ANKS4B: variants seen among roughly 807,000 people sequenced by gnomAD.
The protein encoded by ANKS4B is ankyrin repeat and SAM domain-containing protein 4B.
In ANKS4B, 21 loss-of-function variants were observed where a neutral mutation model predicts 20.2. The observed-to-expected ratio is 1.04, with a 90% confidence interval of 0.74 to 1.50. The LOEUF is 1.50. ANKS4B is among the 40% of genes most tolerant of loss of function. ANKS4B has a pLI of 0.00. For synonymous variants in ANKS4B, 179 were observed against 194.5 expected (o/e 0.92, Z 0.66); for missense variants, 473 against 494.6 (o/e 0.96, Z 0.41).
rs1202803308 is a variant in ANKS4B, at chr16:21,253,575, GAT to G, written c.*2758_*2759del. On this transcript the variant is annotated 3_prime_UTR_variant, in exon 2 of 2. Coordinates refer to ENST00000311620, the MANE Select transcript of ANKS4B (RefSeq NM_145865.3). ...CTATTGCCCGGAATCTGCCTAATGA[GAT>G]ATTTGCTCCACCCCCTGCTGTAACT... 1 of 152,142 alleles carries G rather than the reference GAT, an allele frequency of 6.6e-6. No homozygotes were observed. The highest frequency in any genetic ancestry group is 2.4e-5 in the African/African-American group (1 of 41,422). The allele number at this position is 152,142 out of a possible 1,614,324, so 9.4% of individuals were successfully genotyped here.
At position 21,233,762 on chromosome 16, in the gene ANKS4B, G is replaced by T. The variant is rs774144258; in HGVS notation, c.25G>T (p.Ala9Ser). MSTRYHQA[A>S]SDSYLELLKE... ...AATGTCTACTCGTTACCACCAAGCT[G>T]CTAGTGATAGTTACCTGGAACTTCT... The change falls in exon 1 of 2, where the codon GCT (alanine) becomes TCT (serine). Residue 9 changes from alanine to serine, a missense_variant. By Grantham distance (99) the Ala-to-Ser change is moderately conservative. Transcript: ENST00000311620. 2.5e-6 allele frequency: 4 copies of T among 1,613,852 alleles called. No homozygotes were observed. The African/African-American group carries it at 4.0e-5, about 16-fold the overall frequency.
chr16:21,237,889 T>G (rs1433889100), intron 1 of ANKS4B, among the ~76,000 whole-genome samples: 1 of 151,986 alleles, frequency 6.6e-6, no homozygotes, highest in Non-Finnish European at 1.5e-5. Flanking sequence ...AGGCTGGGCG[T>G]GGTGGCTCAC....
At chr16:21,235,867 G>A (rs777096914) in intron 1 of ANKS4B, among the ~76,000 whole-genome samples, 2 of 152,054 alleles carry the variant, frequency 1.3e-5, no homozygotes, top group Admixed American at 6.6e-5. Context: ...CAGACACATC[G>A]ATCCCCATCA....
Position 21,250,873 on chromosome 16 carries a change from C to G in ANKS4B, c.*53C>G. 1.3e-6 allele frequency: 2 copies of G among 1,529,458 alleles called. No homozygotes were observed. Among genetic ancestry groups the G allele is most frequent in the South Asian group, 2.6e-5 (2 of 78,178 alleles). 94.7% of individuals were successfully genotyped at this position (1,529,458 alleles called of 1,614,324 possible). On this transcript the variant is annotated 3_prime_UTR_variant, in exon 2 of 2. Coordinates refer to ENST00000311620, the MANE Select transcript of ANKS4B (RefSeq NM_145865.3). ...GTGATGCTGTGGCCCGCTGGCAGCA[C>G]TCCAGGCGGCACCCCCTCTTTACCC... is the stretch of plus-strand genomic sequence containing the variant.
chr16:21,250,437 A>G lies in ANKS4B; in HGVS notation c.871A>G (p.Lys291Glu), dbSNP rs769678627. The G allele has an allele frequency of 2.7e-5, 43 of 1,614,066 alleles. No individual in the cohort carries two copies. The highest frequency in any genetic ancestry group is 1.6e-4 in the Middle Eastern group (1 of 6,084). The change falls in exon 2 of 2, where the codon AAG becomes GAG. Residue 291 changes from lysine (K) to glutamate (E), a missense_variant. Lys to Glu is a moderately conservative substitution (Grantham distance 56). Transcript: ENST00000311620. Reference sequence around the variant, plus strand: ...GAGTCCTGAAGACATCTCAGATAGCAAGAGAGAGTTTGGTTTTAAACTGCC... The same window carrying G: ...GAGTCCTGAAGACATCTCAGATAGCGAGAGAGAGTTTGGTTTTAAACTGCC... ...ISSPEDISDS[K>E]REFGFKLPSE...
rs375745362 is a variant in ANKS4B at position 21,250,654 on chromosome 16, T to C, written c.1088T>C (p.Ile363Thr). 6 of 1,613,766 alleles carry C rather than the reference T, an allele frequency of 3.7e-6. No individual in the cohort carries two copies. The highest frequency in any genetic ancestry group is 1.3e-5 in the African/African-American group (1 of 74,932). The change falls in exon 2 of 2, where the codon ATC becomes ACC. Residue 363 changes from isoleucine (I) to threonine (T), a missense_variant. By Grantham distance (89) the Ile-to-Thr change is moderately conservative (BLOSUM62 -1). Transcript: ENST00000311620. ...CAGCACCTGGAAGAATTCCTGCCTA[T>C]CTTCAAGAGAGAGCAGATTGATCTA... ...LSQHLEEFLP[I>T]FKREQIDLEA... is the part of the protein sequence containing the mutation.
chr16:21,249,844 C>A lies in ANKS4B; in HGVS notation c.278C>A (p.Ala93Asp), dbSNP rs746111689. The change falls in exon 2 of 2, where the codon GCC (alanine) becomes GAC (aspartate). Residue 93 changes from alanine to aspartate, a missense_variant. Coordinates refer to ENST00000311620, the MANE Select transcript of ANKS4B (RefSeq NM_145865.3). ...GTCAACTTTGGTGCCAACATCTTTG[C>A]CCTGGATAATGACTTACAGACTCCA... Reference protein sequence around the residue: ...FLVNFGANIFALDNDLQTPLD... With the variant: ...FLVNFGANIFDLDNDLQTPLD... 1 of 1,614,154 alleles carries A rather than the reference C, an allele frequency of 6.2e-7. No individual in the cohort carries two copies. The highest frequency in any genetic ancestry group is 8.5e-7 in the Non-Finnish European group (1 of 1,180,026).
intron 1 of ANKS4B, among the ~76,000 whole-genome samples, chr16:21,235,878 G>A (rs1402419997): frequency 6.6e-6 from 1 of 152,156 alleles, no homozygotes. Context: ...ATCCCCATCA[G>A]CCAGCCTTCT....
At chr16:21,234,012 G>A (rs1567224158) in intron 1 of ANKS4B, 111 bp downstream of exon 1, 1 of 1,087,506 alleles carries the variant, frequency 9.2e-7, no homozygotes, top group Non-Finnish European at 1.3e-6. Context: ...TTTCTAGATT[G>A]TCTAAATGAT....
At chr16:21,239,260 T>A (rs760371453) in intron 1 of ANKS4B, among the ~76,000 whole-genome samples, 2 of 152,236 alleles carry the variant, frequency 1.3e-5, no homozygotes, top group Admixed American at 1.3e-4. Flanking sequence ...TTACTGGGTA[T>A]ATACCCAAAG....
chr16:21,250,684 C>A lies in ANKS4B; in HGVS notation c.1118C>A (p.Ala373Asp). 1 of 1,613,538 alleles carries A rather than the reference C, an allele frequency of 6.2e-7. No individual in the cohort carries two copies. The highest frequency in any genetic ancestry group is 8.5e-7 in the Non-Finnish European group (1 of 1,179,440). ...AAGAGAGAGCAGATTGATCTAGAAG[C>A]TCTGCTGCTCTGCTCTGATGAGGAC... ...IFKREQIDLE[A>D]LLLCSDEDLQ... is the part of the protein sequence containing the mutation. Residue 373 changes from alanine to aspartate, a missense_variant, in exon 2 of 2, where the codon GCT becomes GAT. Transcript: ENST00000311620.
intron 1 of ANKS4B, among the ~76,000 whole-genome samples, chr16:21,238,292 C>G (rs1244312105): frequency 1.3e-5 from 2 of 152,178 alleles, no homozygotes; most frequent in South Asian, 2.1e-4. Context: ...TGGATTGCCA[C>G]TTTTGTGAAC....
intron 1 of ANKS4B, among the ~76,000 whole-genome samples, chr16:21,246,585 A>G (rs1278893937): frequency 1.3e-5 from 2 of 152,142 alleles, no homozygotes; most frequent in Non-Finnish European, 2.9e-5. Context: ...ACTTTATTTT[A>G]CTTTTTACAT....
chr16:21,250,137 C>T lies in ANKS4B; in HGVS notation c.571C>T (p.Pro191Ser). ...ATCATCCCCTTCAAATGCTTCTGCT[C>T]CTGGCACATTCGGGTCACTATCTAA... ...SRSSPSNASAPGTFGSLSKGI... is the reference protein window; with the variant it reads ...SRSSPSNASASGTFGSLSKGI... The change falls in exon 2 of 2, where the codon CCT becomes TCT. Residue 191 changes from proline to serine, a missense_variant. Coordinates refer to ENST00000311620, the MANE Select transcript of ANKS4B (RefSeq NM_145865.3). The T allele has an allele frequency of 1.2e-6, 2 of 1,614,190 alleles. No individual in the cohort carries two copies. Among genetic ancestry groups the T allele is most frequent in the Non-Finnish European group, 1.7e-6 (2 of 1,180,044 alleles).
chr16:21,250,966 T>C lies in ANKS4B; in HGVS notation c.*146T>C. On this transcript the variant is annotated 3_prime_UTR_variant, in exon 2 of 2. Coordinates refer to ENST00000311620, the MANE Select transcript of ANKS4B (RefSeq NM_145865.3). Reference sequence around the variant, plus strand: ...CCTACCTGAGAGAGAGACCCAAACTTTACTCTGGGAGGTAGGCTATGCCCA... The same window carrying C: ...CCTACCTGAGAGAGAGACCCAAACTCTACTCTGGGAGGTAGGCTATGCCCA... 1 of 1,176,404 alleles carries C rather than the reference T, an allele frequency of 8.5e-7. No homozygotes were observed. 72.9% of individuals were successfully genotyped at this position (1,176,404 alleles called of 1,614,324 possible).
chr16:21,240,865 ACTGCATCC>A (rs1408876957), intron 1 of ANKS4B, among the ~76,000 whole-genome samples: 3 of 151,376 alleles, frequency 2.0e-5, no homozygotes, highest in Non-Finnish European at 1.5e-5. Context: ...ATCTTGGCTC[ACTGCATCC>A]TCCACCTCCC....
chr16:21,239,891 A>T (rs1294436434), intron 1 of ANKS4B, among the ~76,000 whole-genome samples: 1 of 152,152 alleles, frequency 6.6e-6, no homozygotes, highest in Non-Finnish European at 1.5e-5. Flanking sequence ...TGGGTGACAA[A>T]ATTATCTACA....
At chr16:21,239,647 C>G (rs1302827073) in intron 1 of ANKS4B, among the ~76,000 whole-genome samples, 1 of 152,096 alleles carries the variant, frequency 6.6e-6, no homozygotes, top group Non-Finnish European at 1.5e-5. Context: ...ATAGCAAAGA[C>G]ATGGAATCAG....
At chr16:21,246,082 G>A (rs2093331916) in intron 1 of ANKS4B, among the ~76,000 whole-genome samples, 1 of 152,074 alleles carries the variant, frequency 6.6e-6, no homozygotes, top group African/African-American at 2.4e-5. Context: ...TTTTAGTAAG[G>A]CTATTTTTAT....
Sources: allele counts gnomAD v4.1 joint callset (sites outside exome capture counted in the v4.1 genomes callset), GRCh38; gene constraint gnomAD v4.1.1; transcripts MANE v1.5; gene names NCBI Gene and HGNC (gene_info 2026-07-23, HGNC 2026-07-21).